CHEK1: variants seen among roughly 807,000 people sequenced by gnomAD.
CHEK1 encodes the protein checkpoint kinase 1, also known as serine/threonine-protein kinase Chk1.
A neutral mutation model predicts 60.2 loss-of-function variants in CHEK1; 32 were observed. The observed-to-expected ratio is 0.53, with a 90% CI of 0.40 to 0.71. CHEK1 has a LOEUF of 0.71. Ranked by LOEUF, CHEK1 falls within the 30% of genes least tolerant of loss-of-function variation. CHEK1 has a pLI of 0.00. For synonymous variants in CHEK1, 179 were observed against 187.2 expected (o/e 0.96, Z 0.36); for missense variants, 399 against 564.6 (o/e 0.71, Z 2.97).
At chr11:125,650,421 C>T (rs1045848333) in intron 11 of CHEK1, among the ~76,000 whole-genome samples, 10 of 150,006 alleles carry the variant, frequency 6.7e-5, no homozygotes, top group Non-Finnish European at 1.3e-4. Flanking sequence ...TGTTTGTTAC[C>T]GCTTGATGTA....
intron 1 of CHEK1, chr11:125,626,452 G>A: frequency 2.2e-6 from 1 of 452,626 alleles, no homozygotes; most frequent in East Asian, 3.5e-5. Context: ...CCAGTCGTTC[G>A]CCGGAAAGCA....
chr11:125,677,344 C>T (rs1942559270), downstream of CHEK1, among the ~76,000 whole-genome samples: 1 of 152,172 alleles, frequency 6.6e-6, no homozygotes, highest in Non-Finnish European at 1.5e-5. Context: ...AATAGCTTTA[C>T]ATTCCATGTT....
intron 7 of CHEK1, 81 bp from the exon 8 acceptor site, chr11:125,637,368 A>T: frequency 9.6e-7 from 1 of 1,043,440 alleles, no homozygotes; most frequent in Non-Finnish European, 1.4e-6. Context: ...GTAGGCTAAC[A>T]GAAAATGTGT....
At chr11:125,627,579 G>A in intron 2 of CHEK1, 28 bp from the exon 3 acceptor site, 3 of 1,553,642 alleles carry the variant, frequency 1.9e-6, no homozygotes, top group Non-Finnish European at 2.6e-6. Context: ...ATGGAATTCT[G>A]TAATGTTAAA....
chr11:125,656,658 G>A lies in CHEK1; in HGVS notation c.*1338G>A. The A allele has an allele frequency of 4.6e-6, 1 of 215,774 alleles. No homozygotes were observed. Among genetic ancestry groups the A allele is most frequent in the Non-Finnish European group, 9.3e-6 (1 of 106,996 alleles). The allele number at this position is 215,774 out of a possible 1,614,324, so 13.4% of individuals were successfully genotyped here. On this transcript the variant is annotated 3_prime_UTR_variant, in exon 13 of 13. Transcript: ENST00000438015. The stretch of plus-strand genomic sequence containing the variant: ...GCTCTCACTGACTTGAACCTCTTCT[G>A]TAAGCTCTAACCTTTTACCTGCTTT...
chr11:125,669,119 C>G (rs1942150764), intron 13 of CHEK1, among the ~76,000 whole-genome samples: 2 of 151,850 alleles, frequency 1.3e-5, no homozygotes, highest in South Asian at 4.2e-4. Flanking sequence ...TTAAATTTAC[C>G]CACATCTTTA....
intron 8 of CHEK1, among the ~76,000 whole-genome samples, chr11:125,642,002 G>A (rs1487047211): frequency 6.6e-6 from 1 of 152,026 alleles, no homozygotes; most frequent in Non-Finnish European, 1.5e-5. Context: ...TCCAACCTCA[G>A]TTCTGCTTTG....
chr11:125,636,145 TTAA>T (rs1307537603), intron 7 of CHEK1: 23 of 152,196 alleles, frequency 1.5e-4, no homozygotes, highest in African/African-American at 5.5e-4. Context: ...TGAAACATCA[TTAA>T]TGTGGCCCAT....
rs772496915 is a variant in CHEK1 at position 125,625,817 on chromosome 11, A to G, written c.-216A>G. ...CAGGATCTCTCCCCGACTGCAAAGC[A>G]GCCCTGGGCGGGAGCGGCAACATCT... On this transcript the variant is annotated 5_prime_UTR_variant, in exon 1 of 13. Transcript: ENST00000438015. 12 of 702,324 alleles carry G rather than the reference A, an allele frequency of 1.7e-5. No individual in the cohort carries two copies. 43.5% of individuals were successfully genotyped at this position (702,324 alleles called of 1,614,324 possible). A position where few individuals can be genotyped will look rare whatever the true frequency, so the allele number is the denominator to read the frequency against.
intron 6 of CHEK1, among the ~76,000 whole-genome samples, chr11:125,634,509 C>T (rs1940989133): frequency 6.6e-6 from 1 of 151,418 alleles, no homozygotes; most frequent in Non-Finnish European, 1.5e-5. Flanking sequence ...GGTTTTTTTT[C>T]ACAGACGGTC....
downstream of CHEK1, among the ~76,000 whole-genome samples, chr11:125,678,978 T>TTTTATATATA (rs1555078664): frequency 1.1e-5 from 1 of 88,436 alleles, no homozygotes; most frequent in East Asian, 3.0e-4. Flanking sequence ...TCTAGGCATA[T>TTTTATATATA]TATATATATA....
downstream of CHEK1, among the ~76,000 whole-genome samples, chr11:125,658,498 A>G (rs183635388): frequency 6.6e-5 from 10 of 152,152 alleles, no homozygotes; most frequent in East Asian, 1.9e-3. Context: ...TTGAATATAT[A>G]TACTCTCCCA....
rs1225295682 is a variant in CHEK1, at chr11:125,625,377, A to G, written c.-656A>G. 3.9e-6 allele frequency: 1 copy of G among 259,706 alleles called. No homozygotes were observed. Among genetic ancestry groups the G allele is most frequent in the African/African-American group, 2.2e-5 (1 of 46,254 alleles). 16.1% of individuals were successfully genotyped at this position (259,706 alleles called of 1,614,324 possible). A position where few individuals can be genotyped will look rare whatever the true frequency, so the allele number is the denominator to read the frequency against. On this transcript the variant is annotated 5_prime_UTR_variant, in exon 1 of 13. Coordinates refer to ENST00000438015, the MANE Select transcript of CHEK1 (RefSeq NM_001114122.3). ...AAACTTGCCCCGCCACACACACTTG[A>G]CTGCGTGGCCAGTTCTTTCGAAGCC...
chr11:125,670,013 C>T (rs1462359956), intron 13 of CHEK1, among the ~76,000 whole-genome samples: 1 of 152,202 alleles, frequency 6.6e-6, no homozygotes, highest in Non-Finnish European at 1.5e-5. Context: ...TTCCACAGTT[C>T]ACTGAAGCTT....
intron 3 of CHEK1, among the ~76,000 whole-genome samples, chr11:125,628,738 C>T (rs138836290): frequency 3.9e-5 from 6 of 152,116 alleles, no homozygotes; most frequent in African/African-American, 9.6e-5. Flanking sequence ...TATGATCTCA[C>T]GCCAGGGCAC....
In CHEK1 at chr11:125,629,262, C is replaced by T. The variant is rs762470361; in HGVS notation, c.320C>T (p.Ala107Val). The change falls in exon 4 of 13, where the codon GCT (alanine) becomes GTT (valine). Residue 107 changes from alanine (A) to valine (V), a missense_variant. Physicochemically the swap from Ala to Val is moderately conservative, Grantham distance 64 (BLOSUM62 0). Around this residue, in one of 2 missense-constraint regions of CHEK1, gnomAD observed 370 missense variants for 494.8 expected, o/e 0.75. Transcript: ENST00000438015. ...GACATAGGCATGCCTGAACCAGATG[C>T]TCAGAGATTCTTCCATCAACTCATG... Reference protein sequence around the residue: ...EPDIGMPEPDAQRFFHQLMAG... With the variant: ...EPDIGMPEPDVQRFFHQLMAG... The T allele has an allele frequency of 2.5e-6, 4 of 1,614,006 alleles. No homozygotes were observed. The African/African-American group carries it at 5.3e-5, about 22-fold the overall frequency.
At chr11:125,640,742 G>T (rs913370641) in intron 8 of CHEK1, among the ~76,000 whole-genome samples, 14 of 151,886 alleles carry the variant, frequency 9.2e-5, no homozygotes, top group African/African-American at 3.4e-4. Context: ...GCTAATTTTT[G>T]TATTTTTGGT....
chr11:125,655,003 A>G (rs957299291), intron 12 of CHEK1, among the ~76,000 whole-genome samples: 1 of 152,178 alleles, frequency 6.6e-6, no homozygotes, highest in African/African-American at 2.4e-5. Context: ...AGCTCAGTGC[A>G]GTAGGAACAG....
intron 13 of CHEK1, among the ~76,000 whole-genome samples, chr11:125,670,108 A>G (rs555889330): frequency 6.6e-6 from 1 of 152,210 alleles, no homozygotes; most frequent in African/African-American, 2.4e-5. Context: ...ATGGTCTCCA[A>G]TATGCTATTA....
Sources: gnomAD v4.1 joint callset for allele counts (sites outside exome capture counted in the v4.1 genomes callset) on GRCh38, gnomAD v4.1.1 for gene constraint, gnomAD v4.1.1 regional missense constraint, MANE v1.5 for transcripts, NCBI Gene and HGNC (gene_info 2026-07-23, HGNC 2026-07-21) for gene names.